The following GLMN variants were observed in gnomAD, a reference collection of about 807,000 sequenced individuals.
GLMN encodes the protein glomulin, FKBP associated protein, also known as glomulin.
Under a neutral mutation model 87.8 loss-of-function variants are expected in GLMN, and 75 were observed. The observed-to-expected ratio is 0.85, with a 90% CI of 0.71 to 1.04. The LOEUF (loss-of-function observed/expected upper bound fraction) is 1.04. Among genes scored for constraint, GLMN ranks in the 50% least tolerant of loss-of-function variants. The pLI, the probability that GLMN is intolerant of heterozygous loss-of-function variation, is 0.00. For synonymous variants in GLMN, 206 were observed against 221.6 expected (o/e 0.93, Z 0.63); for missense variants, 588 against 658.8 (o/e 0.89, Z 1.18).
intron 9 of GLMN, among the ~76,000 whole-genome samples, chr1:92,269,053 G>C (rs1275438061): frequency 1.3e-5 from 2 of 151,788 alleles, no homozygotes; most frequent in African/African-American, 2.4e-5. Context: ...CAAGTAGCTG[G>C]GACAACGGGC....
At chr1:92,365,537 T>A in the GLMN span, among the ~76,000 whole-genome samples, 1 of 152,188 alleles carries the variant, frequency 6.6e-6, no homozygotes, top group African/African-American at 2.4e-5. Context: ...TAGTGCACAT[T>A]GGTGTGCTAA....
chr1:92,323,720 T>C, the GLMN span: 2 of 1,614,072 alleles, frequency 1.2e-6, no homozygotes, highest in Non-Finnish European at 1.7e-6. Flanking sequence ...GAACAGACAG[T>C]AGTAGATGTC....
At chr1:92,289,695 T>C (rs1252789146) in intron 5 of GLMN, among the ~76,000 whole-genome samples, 1 of 152,238 alleles carries the variant, frequency 6.6e-6, no homozygotes, top group Non-Finnish European at 1.5e-5. Flanking sequence ...TACCTACCAA[T>C]ACTGTTACTG....
chr1:92,357,437 A>G, the GLMN span, among the ~76,000 whole-genome samples: 1 of 152,232 alleles, frequency 6.6e-6, no homozygotes, highest in African/African-American at 2.4e-5. Flanking sequence ...ATTTCAAGAA[A>G]TAGAACAGAT....
the GLMN span, among the ~76,000 whole-genome samples, chr1:92,347,251 A>G: frequency 6.6e-6 from 1 of 152,222 alleles, no homozygotes; most frequent in Non-Finnish European, 1.5e-5. Context: ...GTAATTTGTG[A>G]AACAGATCTT....
At chr1:92,364,664 C>T in the GLMN span, among the ~76,000 whole-genome samples, 1 of 152,244 alleles carries the variant, frequency 6.6e-6, no homozygotes, top group South Asian at 2.1e-4. Context: ...CATATCTAAT[C>T]AATTGCTAAG....
chr1:92,317,299 G>A, the GLMN span, among the ~76,000 whole-genome samples: 1 of 152,106 alleles, frequency 6.6e-6, no homozygotes, highest in Admixed American at 6.5e-5. Context: ...ATGAGGTCAG[G>A]AATTCGAGAC....
At chr1:92,350,967 C>G in the GLMN span, among the ~76,000 whole-genome samples, 2 of 151,608 alleles carry the variant, frequency 1.3e-5, no homozygotes, top group African/African-American at 4.8e-5. Context: ...TATTTAGTAC[C>G]TATATACTCT....
Position 92,297,503 on chromosome 1 carries a change from T to G in GLMN, c.66A>C (p.Lys22Asn). ...RCQILEEQDF[K>N]EEDFGLFQLA... ...ACTGAAATAGGCCAAAATCCTCTTC[T>G]TTAAAGTCTTGCTCTTCTAGGATTT... Residue 22 changes from lysine (K) to asparagine (N), a missense_variant, in exon 3 of 19, where the codon AAA becomes AAC. Physicochemically the swap from Lys to Asn is moderately conservative, Grantham distance 94. Coordinates refer to ENST00000370360, the MANE Select transcript of GLMN (RefSeq NM_053274.3). 6.2e-7 allele frequency: 1 copy of G among 1,612,290 alleles called. No individual in the cohort carries two copies. The highest frequency in any genetic ancestry group is 8.5e-7 in the Non-Finnish European group (1 of 1,179,510).
chr1:92,353,972 A>G, the GLMN span, among the ~76,000 whole-genome samples: 3 of 151,820 alleles, frequency 2.0e-5, no homozygotes, highest in Non-Finnish European at 4.4e-5. Flanking sequence ...TCTTTTTTTT[A>G]TTCATAAGTA....
the GLMN span, chr1:92,363,915 C>T: frequency 6.1e-6 from 1 of 164,918 alleles, no homozygotes; most frequent in Non-Finnish European, 1.3e-5. Context: ...TGTTAATCGA[C>T]TGCTTATGTT....
chr1:92,265,378 G>A (rs1402549559), intron 13 of GLMN, among the ~76,000 whole-genome samples: 2 of 151,190 alleles, frequency 1.3e-5, no homozygotes, highest in Non-Finnish European at 2.9e-5. Flanking sequence ...GGGATTTATT[G>A]GTAGAGATAC....
chr1:92,269,794 C>G lies in GLMN; in HGVS notation c.924-18G>C, dbSNP rs556021744. ...ACAATGGGCTAAAATAGAAACAAAA[C>G]AAATATATATATTATACACACACAC... On this transcript the variant is annotated intron_variant, in intron 8 of 18. Coordinates refer to ENST00000370360, the MANE Select transcript of GLMN (RefSeq NM_053274.3). 6.1e-6 allele frequency: 9 copies of G among 1,471,198 alleles called. No individual in the cohort carries two copies. The African/African-American group carries it at 1.1e-4, about 18-fold the overall frequency. 91.1% of individuals were successfully genotyped at this position (1,471,198 alleles called of 1,614,324 possible). A position where few individuals can be genotyped will look rare whatever the true frequency, so the allele number is the denominator to read the frequency against.
chr1:92,345,546 G>A, the GLMN span, among the ~76,000 whole-genome samples: 1 of 151,884 alleles, frequency 6.6e-6, no homozygotes, highest in Non-Finnish European at 1.5e-5. Flanking sequence ...GGGGATATGT[G>A]TGTTTTAATC....
chr1:92,286,228 TTA>T (rs531487242), intron 7 of GLMN, among the ~76,000 whole-genome samples: 2 of 149,908 alleles, frequency 1.3e-5, no homozygotes, highest in Admixed American at 6.7e-5. Context: ...GATTACAAGA[TTA>T]TATATATATA....
At chr1:92,322,801 T>C in the GLMN span, among the ~76,000 whole-genome samples, 1 of 151,354 alleles carries the variant, frequency 6.6e-6, no homozygotes, top group South Asian at 2.1e-4. Context: ...CGCTTGAACC[T>C]AGGGGGCAGA....
At chr1:92,324,391 A>G in the GLMN span, 34 of 1,574,440 alleles carry the variant, frequency 2.2e-5, no homozygotes, top group East Asian at 7.4e-4. Flanking sequence ...TCTTACAGAC[A>G]TTGAGTTTTT....
chr1:92,307,363 G>A, the GLMN span: 1 of 856,820 alleles, frequency 1.2e-6, no homozygotes, highest in African/African-American at 1.7e-5. Flanking sequence ...AGTAAGTCTA[G>A]TTTTCTGTAA....
intron 16 of GLMN, among the ~76,000 whole-genome samples, chr1:92,257,104 A>G (rs1455990696): frequency 6.6e-6 from 1 of 152,216 alleles, no homozygotes; most frequent in Non-Finnish European, 1.5e-5. Flanking sequence ...ATTCCTATAC[A>G]CCAATAATAA....
Sources: gnomAD v4.1 joint callset for allele counts (sites outside exome capture counted in the v4.1 genomes callset) on GRCh38, gnomAD v4.1.1 for gene constraint, MANE v1.5 for transcripts, NCBI Gene and HGNC (gene_info 2026-07-23, HGNC 2026-07-21) for gene names.